The following ANKUB1 variants were observed in gnomAD, a reference collection of about 807,000 sequenced individuals.
ANKUB1 encodes ankyrin repeat and ubiquitin domain containing 1, also known as protein ANKUB1.
A neutral mutation model predicts 49.3 loss-of-function variants in ANKUB1; 42 were observed. The observed-to-expected ratio is 0.85, with a 90% CI of 0.67 to 1.10. The LOEUF (loss-of-function observed/expected upper bound fraction) is 1.10, where lower values mean the gene tolerates loss of function less well. Among genes scored for constraint, ANKUB1 ranks in the 50% least tolerant of loss-of-function variants. The pLI is 0.00. For missense variants in ANKUB1, 613 were observed against 642.0 expected (o/e 0.95, Z 0.49); for synonymous variants, 222 against 231.0 (o/e 0.96, Z 0.35).
chr3:149,787,496 A>G (rs1194136174), intron 2 of ANKUB1, among the ~76,000 whole-genome samples: 1 of 152,188 alleles, frequency 6.6e-6, no homozygotes, highest in East Asian at 1.9e-4. Context: ...TTCTAAATAT[A>G]CAATCATGTC....
intron 3 of ANKUB1, among the ~76,000 whole-genome samples, chr3:149,777,032 C>T (rs1717625304): frequency 6.6e-6 from 1 of 151,900 alleles, no homozygotes; most frequent in South Asian, 2.1e-4. Flanking sequence ...TTCTGTGTTT[C>T]ACAGATTTGT....
chr3:149,776,006 T>C (rs1717579346), intron 3 of ANKUB1, among the ~76,000 whole-genome samples: 1 of 152,192 alleles, frequency 6.6e-6, no homozygotes, highest in Admixed American at 6.5e-5. Flanking sequence ...CTTATCATGA[T>C]AGATTTATGA....
chr3:149,789,921 C>T (rs1164421352), intron 2 of ANKUB1, among the ~76,000 whole-genome samples: 3 of 152,154 alleles, frequency 2.0e-5, no homozygotes. Context: ...TCCTTTTAAA[C>T]ATCCATTTAG....
At chr3:149,769,169 A>G (rs1249081497) in intron 4 of ANKUB1, among the ~76,000 whole-genome samples, 1 of 152,178 alleles carries the variant, frequency 6.6e-6, no homozygotes, top group Non-Finnish European at 1.5e-5. Context: ...GCTTCTGCAA[A>G]ACATGATTAA....
chr3:149,772,551 T>G (rs1717413512), intron 3 of ANKUB1, among the ~76,000 whole-genome samples: 1 of 152,214 alleles, frequency 6.6e-6, no homozygotes, highest in Admixed American at 6.5e-5. Flanking sequence ...GCTATCTAAA[T>G]AGCCTCCCAT....
intron 3 of ANKUB1, among the ~76,000 whole-genome samples, chr3:149,778,020 G>A (rs1717679657): frequency 6.6e-6 from 1 of 152,210 alleles, no homozygotes; most frequent in African/African-American, 2.4e-5. Context: ...GATAGCAGCA[G>A]GGATGATTCA....
intron 2 of ANKUB1, among the ~76,000 whole-genome samples, 163 bp downstream of exon 2, chr3:149,790,618 A>G (rs188124713): frequency 2.6e-5 from 4 of 152,344 alleles, no homozygotes; most frequent in African/African-American, 9.6e-5. Context: ...ACTTCCCCTT[A>G]CAGCACAAAG....
Position 149,767,143 on chromosome 3 carries a change from G to T in ANKUB1, c.1505+14C>A. On this transcript the variant is annotated intron_variant, in intron 5 of 5. Transcript: ENST00000446160. The stretch of plus-strand genomic sequence containing the variant: ...AAAGCTTTGCTGTTTGTATGTTTAA[G>T]GGGAGAACATTACCTTGCCACAGCT... 1.3e-6 allele frequency: 2 copies of T among 1,499,328 alleles called. No individual in the cohort carries two copies. Among genetic ancestry groups the T allele is most frequent in the South Asian group, 2.7e-5 (2 of 74,758 alleles). 92.9% of individuals were successfully genotyped at this position (1,499,328 alleles called of 1,614,324 possible).
intron 3 of ANKUB1, among the ~76,000 whole-genome samples, chr3:149,771,739 A>G (rs1431532012): frequency 6.6e-6 from 1 of 152,036 alleles, no homozygotes. Flanking sequence ...TAAATACTTG[A>G]TAGCTGATTA....
intron 2 of ANKUB1, among the ~76,000 whole-genome samples, chr3:149,782,936 C>A (rs1301907754): frequency 4.2e-5 from 5 of 120,218 alleles, no homozygotes; most frequent in African/African-American, 6.0e-5. Context: ...AAAATTAACA[C>A]CTACTGAGTC....
chr3:149,786,492 GA>G (rs1718106486), intron 2 of ANKUB1, among the ~76,000 whole-genome samples: 1 of 152,200 alleles, frequency 6.6e-6, no homozygotes, highest in Non-Finnish European at 1.5e-5. Flanking sequence ...CCATTTGTCA[GA>G]TGGGTAGATT....
intron 2 of ANKUB1, among the ~76,000 whole-genome samples, chr3:149,788,525 A>C (rs982549541): frequency 1.3e-5 from 2 of 151,978 alleles, no homozygotes; most frequent in African/African-American, 4.8e-5. Context: ...ATTTTTGTAG[A>C]GATGGGGTCT....
At chr3:149,775,112 C>A (rs1717534770) in intron 3 of ANKUB1, among the ~76,000 whole-genome samples, 2 of 152,252 alleles carry the variant, frequency 1.3e-5, no homozygotes, top group South Asian at 4.1e-4. Flanking sequence ...TATGCCTAGG[C>A]CACACAGGAC....
At chr3:149,778,123 A>G (rs936244152) in intron 3 of ANKUB1, among the ~76,000 whole-genome samples, 1 of 152,182 alleles carries the variant, frequency 6.6e-6, no homozygotes, top group African/African-American at 2.4e-5. Context: ...CTTGAGGAAT[A>G]CTAGTTATGC....
At chr3:149,775,189 T>C (rs189093038) in intron 3 of ANKUB1, among the ~76,000 whole-genome samples, 1 of 152,150 alleles carries the variant, frequency 6.6e-6, no homozygotes, top group Non-Finnish European at 1.5e-5. Flanking sequence ...GGCCCCTGAC[T>C]CCCAAGTTTC....
At position 149,764,636 on chromosome 3, in the gene ANKUB1, C is replaced by CTCTTTCTTTCTTTCTT. The variant is rs1553741494; in HGVS notation, c.1505+2520_1505+2521insAAGAAAGAAAGAAAGA. Among the ~76,000 whole-genome samples, 5 of 63,588 alleles carry CTCTTTCTTTCTTTCTT rather than the reference C, an allele frequency of 7.9e-5. No individual in the cohort carries two copies. In the East Asian group the frequency reaches 2.2e-3, roughly 27 times the overall value. The allele number at this position is 63,588 out of a possible 152,430, so 41.7% of individuals were successfully genotyped here. A position where few individuals can be genotyped will look rare whatever the true frequency, so the allele number is the denominator to read the frequency against. ...CCTCCTCTCCTCCCTTCCTCCCTTC[C>CTCTTTCTTTCTTTCTT]TCTCTCTTTCTTTCTTTCCTTCCTT... is the stretch of plus-strand genomic sequence containing the variant. On this transcript the variant is annotated intron_variant, in intron 5 of 5. Transcript: ENST00000446160.
intron 2 of ANKUB1, among the ~76,000 whole-genome samples, chr3:149,787,505 T>C (rs1576683662): frequency 1.3e-5 from 2 of 152,108 alleles, no homozygotes; most frequent in African/African-American, 4.8e-5. Context: ...TACAATCATG[T>C]CATCTGCAAA....
In ANKUB1 at chr3:149,761,594, A is replaced by G. The variant is rs1275993349; in HGVS notation, c.1525T>C (p.Trp509Arg). 11 of 1,551,134 alleles carry G rather than the reference A, an allele frequency of 7.1e-6. No individual in the cohort carries two copies. Among genetic ancestry groups the G allele is most frequent in the Non-Finnish European group, 9.6e-6 (11 of 1,146,668 alleles). The change falls in exon 6 of 6, where the codon TGG (tryptophan) becomes CGG (arginine). Residue 509 changes from tryptophan (W) to arginine (R), a missense_variant. Physicochemically the swap from Trp to Arg is moderately radical, Grantham distance 101 (BLOSUM62 -3). Coordinates refer to ENST00000446160, the MANE Select transcript of ANKUB1 (RefSeq NM_001144960.3). ...AVASAFKEKR[W>R]LQQLEIARVL... is the part of the protein sequence containing the mutation. ...CTTGCTATTTCTAACTGCTGAAGCC[A>G]TCGTTTCTCTTTAAAGGCACTGCAA...
chr3:149,768,085 T>C lies in ANKUB1; in HGVS notation c.577A>G (p.Arg193Gly), dbSNP rs1251316162. 3 of 1,368,386 alleles carry C rather than the reference T, an allele frequency of 2.2e-6. No homozygotes were observed. The highest frequency in any genetic ancestry group is 9.5e-7 in the Non-Finnish European group (1 of 1,051,780). 84.8% of individuals were successfully genotyped at this position (1,368,386 alleles called of 1,614,324 possible). Residue 193 changes from arginine (R) to glycine (G), a missense_variant, in exon 5 of 6, where the codon AGG becomes GGG. Arg to Gly is a moderately radical substitution (Grantham distance 125). Transcript: ENST00000446160. ...AAAGCAGCAATGTACAGGGCTACCC[T>C]TTTCTGATACCTAAATGAGTGAAAC... ...KEGPVLKYQK[R>G]VALYIAAFCG...
Sources: gnomAD v4.1 joint callset for allele counts (sites outside exome capture counted in the v4.1 genomes callset) on GRCh38, gnomAD v4.1.1 for gene constraint, MANE v1.5 for transcripts, NCBI Gene and HGNC (gene_info 2026-07-23, HGNC 2026-07-21) for gene names.